DACH1: variants seen among roughly 807,000 people sequenced by gnomAD.
The protein encoded by DACH1 is dachshund family transcription factor 1, also known as dachshund homolog 1.
In DACH1, 12 loss-of-function variants were observed where a neutral mutation model predicts 54.2. The observed-to-expected ratio is 0.22, with a 90% confidence interval of 0.14 to 0.36. DACH1 has a LOEUF of 0.36. Among genes scored for constraint, DACH1 ranks in the 10% least tolerant of loss-of-function variants. The pLI, the probability that DACH1 is intolerant of heterozygous loss-of-function variation, is 1.00. For synonymous variants in DACH1, 386 were observed against 366.2 expected (o/e 1.05, Z -0.62); for missense variants, 805 against 929.8 (o/e 0.87, Z 1.75).
At chr13:71,771,574 AAAC>A (rs1348572493) in intron 1 of DACH1, among the ~76,000 whole-genome samples, 1 of 151,508 alleles carries the variant, frequency 6.6e-6, no homozygotes, top group Non-Finnish European at 1.5e-5. Context: ...TAGAAAGTAG[AAAC>A]AACATTTTTC....
intron 10 of DACH1, among the ~76,000 whole-genome samples, chr13:71,473,808 G>C (rs115302664): frequency 6.6e-6 from 1 of 152,090 alleles, no homozygotes; most frequent in Non-Finnish European, 1.5e-5. Context: ...TCTAATGCGT[G>C]AATAGCCCCT....
chr13:71,753,405 A>G (rs899085559), intron 1 of DACH1, among the ~76,000 whole-genome samples: 2 of 152,210 alleles, frequency 1.3e-5, no homozygotes, highest in African/African-American at 4.8e-5. Context: ...CAGATTCCTT[A>G]AAAGGTTCGT....
chr13:71,695,584 C>T (rs1881785148), intron 1 of DACH1, among the ~76,000 whole-genome samples: 1 of 152,180 alleles, frequency 6.6e-6, no homozygotes, highest in Non-Finnish European at 1.5e-5. Context: ...ATGACATGGT[C>T]AAGGGCTCCA....
At chr13:71,496,259 A>ATG (rs202045535) in intron 6 of DACH1, among the ~76,000 whole-genome samples, 259 of 62,028 alleles carry the variant, frequency 4.2e-3, no homozygotes, top group Admixed American at 0.025. Flanking sequence ...AAAAATTGCT[A>ATG]TGTATATATA....
At chr13:71,786,509 A>G (rs996150841) in intron 1 of DACH1, among the ~76,000 whole-genome samples, 1 of 152,174 alleles carries the variant, frequency 6.6e-6, no homozygotes, top group Non-Finnish European at 1.5e-5. Context: ...TGTAAGTTGT[A>G]TTAATAATAG....
intron 1 of DACH1, among the ~76,000 whole-genome samples, chr13:71,825,904 A>C (rs1195502644): frequency 6.6e-6 from 1 of 152,122 alleles, no homozygotes; most frequent in Non-Finnish European, 1.5e-5. Flanking sequence ...TCTGGGAAGG[A>C]GCCAATACAT....
At chr13:71,481,268 T>C (rs1395880817) in intron 7 of DACH1, among the ~76,000 whole-genome samples, 1 of 152,232 alleles carries the variant, frequency 6.6e-6, no homozygotes, top group Non-Finnish European at 1.5e-5. Context: ...TGTTGATTGG[T>C]TGTATTATCA....
chr13:71,654,458 G>GTAAAATAAAGTAAAATAAAA, intron 2 of DACH1, among the ~76,000 whole-genome samples: 1 of 71,290 alleles, frequency 1.4e-5, no homozygotes, highest in East Asian at 5.0e-4. Flanking sequence ...ATAAAATAAA[G>GTAAAATAAAGTAAAATAAAA]TAAAATAAAA....
chr13:71,704,407 C>G, intron 1 of DACH1: 1 of 402,740 alleles, frequency 2.5e-6, no homozygotes, highest in South Asian at 2.3e-5. Flanking sequence ...TTGTTTTAAA[C>G]AAGTTAAGGG....
chr13:71,852,377 T>A (rs1873726879), intron 1 of DACH1, among the ~76,000 whole-genome samples: 1 of 151,098 alleles, frequency 6.6e-6, no homozygotes, highest in Non-Finnish European at 1.5e-5. Context: ...TTTTTTTTTT[T>A]TCCTAATCAG....
chr13:71,743,881 T>C (rs533421268), intron 1 of DACH1, among the ~76,000 whole-genome samples: 17 of 152,310 alleles, frequency 1.1e-4, no homozygotes, highest in African/African-American at 4.1e-4. Flanking sequence ...CTTCTCCTAA[T>C]TATGTTGAAA....
At chr13:71,782,751 C>G (rs1352517100) in intron 1 of DACH1, among the ~76,000 whole-genome samples, 1 of 151,906 alleles carries the variant, frequency 6.6e-6, no homozygotes, top group African/African-American at 2.4e-5. Flanking sequence ...CCTGAGAAAT[C>G]AAAAATAAAA....
intron 1 of DACH1, among the ~76,000 whole-genome samples, chr13:71,803,104 T>A (rs1887353436): frequency 6.6e-6 from 1 of 152,160 alleles, no homozygotes; most frequent in Non-Finnish European, 1.5e-5. Context: ...TTTGAAATGT[T>A]CCTAAAACAA....
chr13:71,528,026 A>T (rs1882128976), intron 6 of DACH1, among the ~76,000 whole-genome samples: 1 of 152,212 alleles, frequency 6.6e-6, no homozygotes, highest in Non-Finnish European at 1.5e-5. Context: ...ATGCAAATGT[A>T]GATATGTTTG....
intron 6 of DACH1, among the ~76,000 whole-genome samples, chr13:71,554,323 A>T (rs1884099134): frequency 6.6e-6 from 1 of 152,094 alleles, no homozygotes; most frequent in South Asian, 2.1e-4. Context: ...ACATATACAC[A>T]TTTGAAATCA....
At chr13:71,580,864 T>G (rs897421767) in intron 3 of DACH1, among the ~76,000 whole-genome samples, 1 of 152,142 alleles carries the variant, frequency 6.6e-6, no homozygotes, top group African/African-American at 2.4e-5. Flanking sequence ...TTCATCTCTA[T>G]TTTGTCTGTT....
chr13:71,476,626 A>T (rs903411538), intron 8 of DACH1, among the ~76,000 whole-genome samples: 1 of 152,006 alleles, frequency 6.6e-6, no homozygotes, highest in Non-Finnish European at 1.5e-5. Context: ...TTTTATATTT[A>T]AAAAAATAGA....
At chr13:71,652,502 A>C (rs1878756925) in intron 2 of DACH1, among the ~76,000 whole-genome samples, 1 of 151,740 alleles carries the variant, frequency 6.6e-6, no homozygotes, top group Admixed American at 6.6e-5. Context: ...TCTATTTAAA[A>C]CTCCGAAGAA....
chr13:71,487,490 T>C lies in DACH1; in HGVS notation c.1722+1507A>G, dbSNP rs560558085. Among the ~76,000 whole-genome samples, 5 of 152,304 alleles carry C rather than the reference T, an allele frequency of 3.3e-5. No homozygotes were observed. In the South Asian group the frequency reaches 1.0e-3, roughly 32 times the overall value. Reference sequence around the variant, plus strand: ...ATAACATTCCTAATCTGAGTATTTCTGGTCCGTAGAGTGTGGATGAATACT... The same window carrying C: ...ATAACATTCCTAATCTGAGTATTTCCGGTCCGTAGAGTGTGGATGAATACT... On this transcript the variant is annotated intron_variant, in intron 7 of 10. Transcript: ENST00000613252.
Sources: gnomAD v4.1 joint callset for allele counts (sites outside exome capture counted in the v4.1 genomes callset) on GRCh38, gnomAD v4.1.1 for gene constraint, MANE v1.5 for transcripts, NCBI Gene and HGNC (gene_info 2026-07-23, HGNC 2026-07-21) for gene names.